MAU2: variants seen among roughly 807,000 people sequenced by gnomAD.
The protein encoded by MAU2 is MAU2 chromatid cohesion factor homolog.
In MAU2, 9 loss-of-function variants were observed where a neutral mutation model predicts 89.1. The ratio of observed to expected loss-of-function variants is 0.10; its 90% CI spans 0.06 to 0.18. The LOEUF (loss-of-function observed/expected upper bound fraction) is 0.18. Ranked by LOEUF, MAU2 falls within the 10% of genes least tolerant of loss-of-function variation. The pLI is 1.00. For missense variants in MAU2, 425 were observed against 803.5 expected (o/e 0.53, Z 5.69); for synonymous variants, 357 against 343.4 (o/e 1.04, Z -0.44).
At position 19,356,614 on chromosome 19, in the gene MAU2, T is replaced by TC. The variant is rs1276128415; in HGVS notation, c.*834dup. ...CTCGTCTCCTAAATTTAAGATCACC[T>TC]CCTCAGCTAGCTTAGAGTGCGTGGC... On this transcript the variant is annotated 3_prime_UTR_variant, in exon 19 of 19. Coordinates refer to ENST00000262815, the MANE Select transcript of MAU2 (RefSeq NM_015329.4). 1 of 155,278 alleles carries TC rather than the reference T, an allele frequency of 6.4e-6. No individual in the cohort carries two copies. The highest frequency in any genetic ancestry group is 1.9e-4 in the East Asian group (1 of 5,224). The allele number at this position is 155,278 out of a possible 1,614,324, so 9.6% of individuals were successfully genotyped here. A position where few individuals can be genotyped will look rare whatever the true frequency, so the allele number is the denominator to read the frequency against.
rs1298392623 is a variant in MAU2 at position 19,356,107 on chromosome 19, G to A, written c.*325G>A. ...GGAGTAGGGTGCAGGCCTCCAGCAG[G>A]TCCTAATCCTGTGTGCCAGGGCAGG... On this transcript the variant is annotated 3_prime_UTR_variant, in exon 19 of 19. Coordinates refer to ENST00000262815, the MANE Select transcript of MAU2 (RefSeq NM_015329.4). 3.9e-6 allele frequency: 2 copies of A among 516,756 alleles called. No homozygotes were observed. Among genetic ancestry groups the A allele is most frequent in the Admixed American group, 2.3e-5 (1 of 44,208 alleles). 32.0% of individuals were successfully genotyped at this position (516,756 alleles called of 1,614,324 possible). A position where few individuals can be genotyped will look rare whatever the true frequency, so the allele number is the denominator to read the frequency against.
rs550141382 is a variant in MAU2, at chr19:19,355,507, G to A, written c.1767+116G>A. On this transcript the variant is annotated intron_variant, in intron 18 of 18. Transcript: ENST00000262815. ...TCCAACAAACCCTAACTCAGCCTCAGGTGATCCCTTGATGGGGGAGATGGC... is the reference window on the plus strand; with the variant it reads ...TCCAACAAACCCTAACTCAGCCTCAAGTGATCCCTTGATGGGGGAGATGGC... 198 of 1,470,262 alleles carry A rather than the reference G, an allele frequency of 1.3e-4. 4 individuals carry two copies. The South Asian group carries it at 2.3e-3, about 17-fold the overall frequency. The allele number at this position is 1,470,262 out of a possible 1,614,324, so 91.1% of individuals were successfully genotyped here.
chr19:19,328,933 A>G (rs1290535705), intron 1 of MAU2: 14 of 409,264 alleles, frequency 3.4e-5, no homozygotes, highest in East Asian at 1.5e-4. Context: ...CTCTGTGTCA[A>G]TGCCATGCGT....
At position 19,345,359 on chromosome 19, in the gene MAU2, C is replaced by T. The variant is rs748054579; in HGVS notation, c.1211C>T (p.Thr404Met). 6.8e-6 allele frequency: 11 copies of T among 1,613,662 alleles called. No individual in the cohort carries two copies. Among genetic ancestry groups the T allele is most frequent in the African/African-American group, 2.7e-5 (2 of 74,924 alleles). Reference protein sequence around the residue: ...CMDNAEAQFTTALRLTNHQEL... With the variant: ...CMDNAEAQFTMALRLTNHQEL... ...GACAACGCGGAAGCCCAGTTCACCA[C>T]GGCCCTGCGGGTAAGGTGCCGGCCC... The change falls in exon 12 of 19, where the codon ACG (threonine) becomes ATG (methionine). Residue 404 changes from threonine to methionine, a missense_variant. By Grantham distance (81) the Thr-to-Met change is moderately conservative. This residue lies in a region of MAU2 where 66 missense variants were observed against 129.1 expected (regional missense o/e 0.51). Coordinates refer to ENST00000262815, the MANE Select transcript of MAU2 (RefSeq NM_015329.4). The surrounding 1 kb of genome is among the most constrained non-coding windows in gnomAD (Gnocchi z 4.9).
chr19:19,334,420 T>C (rs573752880), intron 1 of MAU2: 1 of 985,630 alleles, frequency 1.0e-6, no homozygotes, highest in East Asian at 1.1e-4. Context: ...CTGCTCTCGA[T>C]GCAGCTCTGT....
chr19:19,345,284 A>G lies in MAU2; in HGVS notation c.1156-20A>G, dbSNP rs1365330451. 1 of 1,611,890 alleles carries G rather than the reference A, an allele frequency of 6.2e-7. No individual in the cohort carries two copies. Among genetic ancestry groups the G allele is most frequent in the Non-Finnish European group, 8.5e-7 (1 of 1,178,298 alleles). ...CCCTCCCCAGGGGCCGGCCCTGATG[A>G]CAACACCACCTTCTTCCAGGGCCTG... On this transcript the variant is annotated intron_variant, in intron 11 of 18. Coordinates refer to ENST00000262815, the MANE Select transcript of MAU2 (RefSeq NM_015329.4). This position sits in a 1 kb window ranked among gnomAD's most constrained non-coding sequence, Gnocchi z 4.9.
At chr19:19,355,503 C>A in intron 18 of MAU2, 112 bp downstream of exon 18, 1 of 1,477,800 alleles carries the variant, frequency 6.8e-7, no homozygotes, top group Non-Finnish European at 9.2e-7. Context: ...CTAACTCAGC[C>A]TCAGGTGATC....
At chr19:19,341,656 C>G (rs2061647995) in intron 7 of MAU2, among the ~76,000 whole-genome samples, 1 of 152,244 alleles carries the variant, frequency 6.6e-6, no homozygotes, top group Non-Finnish European at 1.5e-5. Flanking sequence ...ATTGCATACA[C>G]TCGCTCAGTG....
Position 19,347,381 on chromosome 19 carries a change from T to C in MAU2, c.1308+15T>C. On this transcript the variant is annotated intron_variant, in intron 13 of 18. Coordinates refer to ENST00000262815, the MANE Select transcript of MAU2 (RefSeq NM_015329.4). The stretch of plus-strand genomic sequence containing the variant: ...ACCAAGAGGTAGTAGGTGACATGCT[T>C]CATGTTCGGTATCCTTTCTCTCTGT... 6.3e-7 allele frequency: 1 copy of C among 1,585,098 alleles called. No individual in the cohort carries two copies. The highest frequency in any genetic ancestry group is 8.7e-7 in the Non-Finnish European group (1 of 1,153,892).
intron 14 of MAU2, 106 bp from the exon 15 acceptor site, chr19:19,349,049 A>G: frequency 6.4e-7 from 1 of 1,556,588 alleles, no homozygotes; most frequent in Non-Finnish European, 8.8e-7. Flanking sequence ...CCTCACAGAC[A>G]GTCTGCAGTG....
In MAU2 at chr19:19,355,973, C is replaced by T. The variant is rs757889445; in HGVS notation, c.*191C>T. 2.7e-5 allele frequency: 19 copies of T among 694,290 alleles called. No homozygotes were observed. The highest frequency in any genetic ancestry group is 2.7e-4 in the South Asian group (18 of 66,870). 43.0% of individuals were successfully genotyped at this position (694,290 alleles called of 1,614,324 possible). The stretch of plus-strand genomic sequence containing the variant: ...AGCCGTTCCCACCTCGCAGCAGGAC[C>T]CCCAGTGCAGAGGCTCACAGGTGGC... On this transcript the variant is annotated 3_prime_UTR_variant, in exon 19 of 19. Transcript: ENST00000262815.
At chr19:19,355,468 G>A (rs1486255022) in intron 18 of MAU2, 77 bp downstream of exon 18, 2 of 1,578,672 alleles carry the variant, frequency 1.3e-6, no homozygotes, top group African/African-American at 1.3e-5. Flanking sequence ...CACCTTGGCT[G>A]TATTTCTCTT....
At chr19:19,338,788 G>A in intron 4 of MAU2, 57 bp from the exon 5 acceptor site, 2 of 1,319,718 alleles carry the variant, frequency 1.5e-6, no homozygotes, top group South Asian at 1.3e-5. Flanking sequence ...CACGAAGGCA[G>A]GTACCGTAAA....
intron 1 of MAU2, among the ~76,000 whole-genome samples, chr19:19,325,688 A>C (rs1275528063): frequency 6.6e-6 from 1 of 152,102 alleles, no homozygotes; most frequent in Non-Finnish European, 1.5e-5. Context: ...CATGTTAGTC[A>C]AGCTGGTCTC....
At chr19:19,355,487 C>A (rs2048167466) in intron 18 of MAU2, 96 bp downstream of exon 18, 1 of 1,535,056 alleles carries the variant, frequency 6.5e-7, no homozygotes. Flanking sequence ...TTTTGTCCAA[C>A]AAACCCTAAC....
intron 1 of MAU2, among the ~76,000 whole-genome samples, chr19:19,326,412 C>T (rs868430770): frequency 9.9e-5 from 15 of 151,566 alleles, no homozygotes; most frequent in Admixed American, 8.6e-4. Flanking sequence ...TATAGCCGGG[C>T]GCGGTGGCTC....
In MAU2 at chr19:19,356,893, T is replaced by G. The variant is rs2048185775; in HGVS notation, c.*1111T>G. On this transcript the variant is annotated 3_prime_UTR_variant, in exon 19 of 19. Transcript: ENST00000262815. ...GTGCCCCAGTGGTCACAGTGTGGCA[T>G]TCCGAGTTGGGGCGGGTGGTCGGGT... 6.6e-6 allele frequency: 1 copy of G among 152,246 alleles called. No individual in the cohort carries two copies. The highest frequency in any genetic ancestry group is 2.4e-5 in the African/African-American group (1 of 41,438). The allele number at this position is 152,246 out of a possible 1,614,324, so 9.4% of individuals were successfully genotyped here.
In MAU2 at chr19:19,345,187, T is replaced by C; in HGVS notation, c.1156-117T>C. ...ATTACCTGCCTTGCAGCTGGCTCGG[T>C]AGAGCCATTGTCATACTCCTCCAGG... On this transcript the variant is annotated intron_variant, in intron 11 of 18. Coordinates refer to ENST00000262815, the MANE Select transcript of MAU2 (RefSeq NM_015329.4). This position sits in a 1 kb window ranked among gnomAD's most constrained non-coding sequence, Gnocchi z 4.9. The C allele has an allele frequency of 1.1e-6, 1 of 914,910 alleles. No individual in the cohort carries two copies. Among genetic ancestry groups the C allele is most frequent in the Non-Finnish European group, 1.8e-6 (1 of 565,890 alleles). The allele number at this position is 914,910 out of a possible 1,614,324, so 56.7% of individuals were successfully genotyped here.
intron 1 of MAU2, among the ~76,000 whole-genome samples, chr19:19,330,728 G>A (rs1281346281): frequency 6.6e-6 from 1 of 151,942 alleles, no homozygotes. Context: ...CAGCAAGAGC[G>A]AAAATTCATC....
Sources: allele counts gnomAD v4.1 joint callset (sites outside exome capture counted in the v4.1 genomes callset), GRCh38; gene constraint gnomAD v4.1.1; regional missense constraint gnomAD v4.1.1; non-coding constraint Gnocchi (gnomAD v3.1); transcripts MANE v1.5; gene names NCBI Gene and HGNC (gene_info 2026-07-23, HGNC 2026-07-21).